RAPGEF6: variants seen among roughly 807,000 people sequenced by gnomAD.
RAPGEF6 encodes the protein Rap guanine nucleotide exchange factor 6.
Under a neutral mutation model 171.4 loss-of-function variants are expected in RAPGEF6, and 56 were observed. That is an observed-to-expected ratio of 0.33 (90% confidence interval 0.26 to 0.41). The LOEUF is 0.41. Among genes scored for constraint, RAPGEF6 ranks in the 10% least tolerant of loss-of-function variants. The pLI, the probability that RAPGEF6 is intolerant of heterozygous loss-of-function variation, is 1.00. For missense variants in RAPGEF6, 1,674 were observed against 1,921.4 expected (o/e 0.87, Z 2.41); for synonymous variants, 692 against 650.1 (o/e 1.06, Z -0.98).
In RAPGEF6 at chr5:131,548,182, A is replaced by G. The variant is rs142081585; in HGVS notation, c.360T>C (p.Asn120=). The G allele has an allele frequency of 3.4e-5, 55 of 1,613,686 alleles. No homozygotes were observed. Among genetic ancestry groups the G allele is most frequent in the Non-Finnish European group, 4.4e-5 (52 of 1,179,794 alleles). ...LEPSEMIVVE[N]AKDNEDSILQ... is the part of the protein sequence containing the mutation. ...GAATACTATCTTCATTATCTTTGGC[A>G]TTCTCTACCTGAAACACATGTTCAT... Residue 120 remains asparagine, a synonymous_variant, in exon 6 of 28, where the codon AAT becomes AAC. Coordinates refer to ENST00000509018, the MANE Select transcript of RAPGEF6 (RefSeq NM_016340.6).
Position 131,464,291 on chromosome 5 carries a change from T to A in RAPGEF6, c.2240-10A>T. 1 of 1,601,200 alleles carries A rather than the reference T, an allele frequency of 6.2e-7. No homozygotes were observed. The highest frequency in any genetic ancestry group is 1.1e-5 in the South Asian group (1 of 90,410). On this transcript the variant is annotated splice_polypyrimidine_tract_variant and intron_variant, in intron 17 of 27. Coordinates refer to ENST00000509018, the MANE Select transcript of RAPGEF6 (RefSeq NM_016340.6). ...ACTTGATCAGGGATATCTACATAAA[T>A]AGAAAGATATGCTTTGTTATTTTTT...
intron 21 of RAPGEF6, among the ~76,000 whole-genome samples, chr5:131,451,481 T>C (rs1753068337): frequency 6.6e-6 from 1 of 151,542 alleles, no homozygotes; most frequent in African/African-American, 2.4e-5. Context: ...CCCAGTTACT[T>C]GGGAGGCTGA....
chr5:131,604,312 C>A (rs1023679823), intron 2 of RAPGEF6, among the ~76,000 whole-genome samples: 1 of 152,130 alleles, frequency 6.6e-6, no homozygotes, highest in African/African-American at 2.4e-5. Flanking sequence ...AATACTTCAA[C>A]AAAGATACTA....
At chr5:131,553,225 T>C (rs980593779) in intron 5 of RAPGEF6, among the ~76,000 whole-genome samples, 2 of 152,144 alleles carry the variant, frequency 1.3e-5, no homozygotes, top group African/African-American at 4.8e-5. Context: ...AGAATAATCT[T>C]CCAGCAAACT....
intron 4 of RAPGEF6, among the ~76,000 whole-genome samples, chr5:131,571,939 A>AT (rs1413869142): frequency 6.6e-6 from 1 of 151,984 alleles, no homozygotes; most frequent in Non-Finnish European, 1.5e-5. Context: ...ACTTTGTAAC[A>AT]TCCTCCCAGC....
At position 131,634,899 on chromosome 5, in the gene RAPGEF6, GGACA is replaced by G. The variant is rs1275835508; in HGVS notation, c.69+59_69+62del. 6 of 1,576,848 alleles carry G rather than the reference GGACA, an allele frequency of 3.8e-6. No homozygotes were observed. In the African/African-American group the frequency reaches 6.7e-5, roughly 18 times the overall value. On this transcript the variant is annotated intron_variant, in intron 1 of 27. Transcript: ENST00000509018. The stretch of plus-strand genomic sequence containing the variant: ...CAAGAGGGCAGTCGCCGCGGATTTC[GGACA>G]GACAGGAGGATGCTGTCTACTGGAC...
intron 4 of RAPGEF6, among the ~76,000 whole-genome samples, chr5:131,574,411 G>A (rs569939131): frequency 3.7e-4 from 56 of 152,240 alleles, no homozygotes; most frequent in Non-Finnish European, 6.5e-4. Context: ...TTACAGTGGA[G>A]GGTAAGTCCA....
chr5:131,557,234 G>A (rs61263129), intron 5 of RAPGEF6, among the ~76,000 whole-genome samples: 2,983 of 116,064 alleles, frequency 0.026, 82 homozygotes, highest in African/African-American at 0.089. Flanking sequence ...TAAAAATATT[G>A]TCTCAACTGA....
At chr5:131,497,483 T>C (rs1043205919) in intron 12 of RAPGEF6, among the ~76,000 whole-genome samples, 1 of 152,202 alleles carries the variant, frequency 6.6e-6, no homozygotes, top group African/African-American at 2.4e-5. Context: ...TAAGGCATTA[T>C]AGTTTTAGCT....
intron 17 of RAPGEF6, among the ~76,000 whole-genome samples, chr5:131,467,517 C>A (rs1266178986): frequency 6.6e-6 from 1 of 152,216 alleles, no homozygotes; most frequent in Non-Finnish European, 1.5e-5. Flanking sequence ...CTATTCTTTA[C>A]AAACATGTTT....
At chr5:131,532,675 T>TA (rs748402185) in intron 6 of RAPGEF6, among the ~76,000 whole-genome samples, 304 of 145,232 alleles carry the variant, frequency 2.1e-3, no homozygotes, top group African/African-American at 2.3e-3. Flanking sequence ...TCCAGAGGTT[T>TA]AAAAAAAAAA....
chr5:131,458,464 C>A (rs1753677055), intron 19 of RAPGEF6, among the ~76,000 whole-genome samples: 1 of 152,210 alleles, frequency 6.6e-6, no homozygotes, highest in South Asian at 2.1e-4. Context: ...ATAAATTACA[C>A]AGTCTCAGGT....
chr5:131,433,559 T>A lies in RAPGEF6; in HGVS notation c.3845A>T (p.Asp1282Val). 1 of 1,613,138 alleles carries A rather than the reference T, an allele frequency of 6.2e-7. No individual in the cohort carries two copies. The highest frequency in any genetic ancestry group is 8.5e-7 in the Non-Finnish European group (1 of 1,179,362). Residue 1282 changes from aspartate to valine, a missense_variant, in exon 25 of 28, where the codon GAC becomes GTC. Physicochemically the swap from Asp to Val is radical, Grantham distance 152. Coordinates refer to ENST00000509018, the MANE Select transcript of RAPGEF6 (RefSeq NM_016340.6). ...ATCCTGTAGAGCTGCAGACATGGAG[T>A]CAACAGAACAATTGCTCACGATGCT... is the stretch of plus-strand genomic sequence containing the variant. Reference protein sequence around the residue: ...RSSIVSNCSVDSMSAALQDER... With the variant: ...RSSIVSNCSVVSMSAALQDER...
intron 1 of RAPGEF6, among the ~76,000 whole-genome samples, chr5:131,621,918 A>G (rs1011530659): frequency 9.9e-5 from 15 of 152,098 alleles, no homozygotes; most frequent in Non-Finnish European, 2.2e-4. Flanking sequence ...TGAGCACCTG[A>G]TATTTATAAT....
At chr5:131,489,747 CTT>C (rs1756157913) in intron 14 of RAPGEF6, 93 bp from the exon 15 acceptor site, 4 of 647,914 alleles carry the variant, frequency 6.2e-6, no homozygotes, top group Admixed American at 7.6e-5. Context: ...TAAAATGAAA[CTT>C]GAATAAAATG....
chr5:131,533,688 T>C (rs924083529), intron 6 of RAPGEF6, among the ~76,000 whole-genome samples: 2 of 152,064 alleles, frequency 1.3e-5, no homozygotes. Flanking sequence ...TGTACACCAA[T>C]AGTTGCAGCA....
intron 23 of RAPGEF6, among the ~76,000 whole-genome samples, chr5:131,441,614 A>G (rs918008424): frequency 9.2e-5 from 14 of 152,222 alleles, no homozygotes; most frequent in African/African-American, 3.4e-4. Flanking sequence ...TGGCATAAGA[A>G]GAAGACACAT....
intron 16 of RAPGEF6, among the ~76,000 whole-genome samples, chr5:131,474,035 G>A (rs1195958687): frequency 3.9e-5 from 6 of 152,120 alleles, no homozygotes; most frequent in Non-Finnish European, 8.8e-5. Flanking sequence ...ATAAACTTTG[G>A]TTTTCTCATC....
At chr5:131,481,131 G>A (rs1228155583) in intron 15 of RAPGEF6, among the ~76,000 whole-genome samples, 1 of 151,494 alleles carries the variant, frequency 6.6e-6, no homozygotes, top group Non-Finnish European at 1.5e-5. Flanking sequence ...CTCCATGTTG[G>A]TCAGGCTGGT....
Sources: allele counts gnomAD v4.1 joint callset (sites outside exome capture counted in the v4.1 genomes callset), GRCh38; gene constraint gnomAD v4.1.1; transcripts MANE v1.5; gene names NCBI Gene and HGNC (gene_info 2026-07-23, HGNC 2026-07-21).